The following ARHGAP15 variants were observed in gnomAD, a reference collection of about 807,000 sequenced individuals.
ARHGAP15 encodes Rho GTPase activating protein 15.
In ARHGAP15, 51 loss-of-function variants were observed where a neutral mutation model predicts 63.7. The ratio of observed to expected loss-of-function variants is 0.80; its 90% confidence interval spans 0.64 to 1.01. The LOEUF is 1.01. Among genes scored for constraint, ARHGAP15 ranks in the 50% least tolerant of loss-of-function variants. ARHGAP15 has a pLI of 0.00. For synonymous variants in ARHGAP15, 191 were observed against 193.8 expected (o/e 0.99, Z 0.12); for missense variants, 560 against 564.6 (o/e 0.99, Z 0.08).
Position 143,435,636 on chromosome 2 carries a change from G to T in ARHGAP15, c.510G>T (p.Gln170His). 6.3e-7 allele frequency: 1 copy of T among 1,589,160 alleles called. No individual in the cohort carries two copies. The highest frequency in any genetic ancestry group is 8.5e-7 in the Non-Finnish European group (1 of 1,171,868). The part of the protein sequence containing the change: ...TTVSGNEFLL[Q>H]SDIDFIILDW... ...TATCAGGAAATGAGTTCCTTCTACA[G>T]TCAGATATTGACTTCATCATATTGG... is the stretch of plus-strand genomic sequence containing the variant. The change falls in exon 7 of 14, where the codon CAG becomes CAT. Residue 170 changes from glutamine (Q) to histidine (H), a missense_variant. Coordinates refer to ENST00000295095, the MANE Select transcript of ARHGAP15 (RefSeq NM_018460.4).
In ARHGAP15 at chr2:143,768,161, G is replaced by A. The variant is rs1008580037; in HGVS notation, c.1417G>A (p.Glu473Lys). Residue 473 changes from glutamate to lysine, a missense_variant, in exon 14 of 14, where the codon GAG (glutamate) becomes AAG (lysine). Glu to Lys is a moderately conservative substitution (Grantham distance 56). Coordinates refer to ENST00000295095, the MANE Select transcript of ARHGAP15 (RefSeq NM_018460.4). ...TGAGTACAGTAAGATCTTCGGCTCA[G>A]AGGAAGACTGACAGACAAGACAAGC... ...LSEYSKIFGS[E>K]ED 3.7e-6 allele frequency: 6 copies of A among 1,613,020 alleles called. No homozygotes were observed. The African/African-American group carries it at 5.3e-5, about 14-fold the overall frequency.
chr2:143,529,887 G>A (rs1048680315), intron 10 of ARHGAP15, among the ~76,000 whole-genome samples: 2 of 152,072 alleles, frequency 1.3e-5, no homozygotes, highest in Admixed American at 6.6e-5. Flanking sequence ...GAACTACAAT[G>A]GCTTGTTTCA....
intron 8 of ARHGAP15, among the ~76,000 whole-genome samples, chr2:143,446,634 C>CTT (rs537526720): frequency 3.4e-5 from 5 of 145,554 alleles, no homozygotes; most frequent in South Asian, 4.3e-4. Context: ...CATTTCCATT[C>CTT]TTTTTTTTTT....
chr2:143,755,353 TTGTC>T (rs1430647529), intron 13 of ARHGAP15, among the ~76,000 whole-genome samples: 4 of 152,192 alleles, frequency 2.6e-5, no homozygotes, highest in African/African-American at 9.7e-5. Context: ...TATTGTATCT[TTGTC>T]TGCATTTTCT....
chr2:143,349,506 AT>A, intron 6 of ARHGAP15, among the ~76,000 whole-genome samples: 1 of 152,182 alleles, frequency 6.6e-6, no homozygotes, highest in Non-Finnish European at 1.5e-5. Context: ...TCAGTTTCTT[AT>A]GTTGAAATTG....
intron 6 of ARHGAP15, among the ~76,000 whole-genome samples, chr2:143,386,132 G>T (rs1356803376): frequency 6.6e-6 from 1 of 152,072 alleles, no homozygotes; most frequent in Non-Finnish European, 1.5e-5. Flanking sequence ...AGGAAACGCA[G>T]ATGAATTCCA....
chr2:143,592,264 G>A (rs1453406233), intron 11 of ARHGAP15, among the ~76,000 whole-genome samples: 1 of 152,030 alleles, frequency 6.6e-6, no homozygotes, highest in African/African-American at 2.4e-5. Flanking sequence ...AGAAATTATA[G>A]CATCATTTTG....
intron 1 of ARHGAP15, among the ~76,000 whole-genome samples, chr2:143,133,441 G>A (rs1688990042): frequency 6.6e-6 from 1 of 152,136 alleles, no homozygotes; most frequent in African/African-American, 2.4e-5. Context: ...ACATCTTGAT[G>A]GGTTGTCTGT....
At chr2:143,150,986 T>A (rs368802577) in intron 1 of ARHGAP15, among the ~76,000 whole-genome samples, 11 of 151,960 alleles carry the variant, frequency 7.2e-5, no homozygotes, top group African/African-American at 2.4e-4. Context: ...ATCTAGAAAA[T>A]TGAAGGTCAG....
At chr2:143,506,926 C>G (rs1187819073) in intron 9 of ARHGAP15, among the ~76,000 whole-genome samples, 2 of 152,050 alleles carry the variant, frequency 1.3e-5, no homozygotes, top group East Asian at 3.8e-4. Flanking sequence ...GTTTTAATAT[C>G]AAAGGAAATA....
intron 12 of ARHGAP15, among the ~76,000 whole-genome samples, chr2:143,637,508 A>G (rs186711124): frequency 5.5e-3 from 843 of 152,158 alleles, no homozygotes; most frequent in Middle Eastern, 0.031. Flanking sequence ...GAGTCTCATA[A>G]CAACAGGAGC....
intron 1 of ARHGAP15, among the ~76,000 whole-genome samples, chr2:143,136,294 C>A (rs1689136602): frequency 6.7e-6 from 1 of 148,758 alleles, no homozygotes; most frequent in East Asian, 2.0e-4. Context: ...GGTGTTATAT[C>A]TTTTTTTTTT....
intron 12 of ARHGAP15, among the ~76,000 whole-genome samples, chr2:143,677,801 C>T (rs1313572237): frequency 6.6e-6 from 1 of 152,184 alleles, no homozygotes; most frequent in African/African-American, 2.4e-5. Context: ...ATATGTAGTA[C>T]CTGCATGCAA....
In ARHGAP15 at chr2:143,261,698, T is replaced by C. The variant is rs551846988; in HGVS notation, c.474+11098T>C. Among the ~76,000 whole-genome samples, 14 of 152,186 alleles carry C rather than the reference T, an allele frequency of 9.2e-5. No homozygotes were observed. The East Asian group carries it at 2.5e-3, about 27-fold the overall frequency. ...GTTTCAAATCTTTTTAAGCAAATAGTTTCATCATATTTGCCTTCTGGCTTA... is the reference window on the plus strand; with the variant it reads ...GTTTCAAATCTTTTTAAGCAAATAGCTTCATCATATTTGCCTTCTGGCTTA... On this transcript the variant is annotated intron_variant, in intron 6 of 13. Coordinates refer to ENST00000295095, the MANE Select transcript of ARHGAP15 (RefSeq NM_018460.4).
chr2:143,428,000 T>C (rs1017663102), intron 6 of ARHGAP15, among the ~76,000 whole-genome samples: 1 of 152,152 alleles, frequency 6.6e-6, no homozygotes, highest in Non-Finnish European at 1.5e-5. Context: ...TGTTCAGCCA[T>C]GCATGTAGAC....
intron 11 of ARHGAP15, among the ~76,000 whole-genome samples, chr2:143,595,684 T>C (rs1697488672): frequency 6.6e-6 from 1 of 152,042 alleles, no homozygotes; most frequent in African/African-American, 2.4e-5. Flanking sequence ...CTGCATGAGA[T>C]TGTGATGGAG....
chr2:143,576,564 T>G (rs1262859014), intron 11 of ARHGAP15, among the ~76,000 whole-genome samples: 1 of 152,114 alleles, frequency 6.6e-6, no homozygotes, highest in African/African-American at 2.4e-5. Context: ...AACATCTGAG[T>G]CTTACACTCT....
At chr2:143,310,735 C>A (rs963534587) in intron 6 of ARHGAP15, among the ~76,000 whole-genome samples, 2 of 151,890 alleles carry the variant, frequency 1.3e-5, no homozygotes, top group Non-Finnish European at 2.9e-5. Flanking sequence ...CTTCTCTTTG[C>A]ATTTTTATTT....
chr2:143,470,931 T>TC (rs1691507965), intron 8 of ARHGAP15, among the ~76,000 whole-genome samples: 1 of 145,618 alleles, frequency 6.9e-6, no homozygotes, highest in Admixed American at 6.9e-5. Context: ...TATATGTGTA[T>TC]ATATGTGTGT....
Sources: allele counts gnomAD v4.1 joint callset (sites outside exome capture counted in the v4.1 genomes callset), GRCh38; gene constraint gnomAD v4.1.1; transcripts MANE v1.5; gene names NCBI Gene and HGNC (gene_info 2026-07-23, HGNC 2026-07-21).